The following ZBTB7C variants were observed in gnomAD, a reference collection of about 807,000 sequenced individuals.
The protein encoded by ZBTB7C is zinc finger and BTB domain containing 7C.
A neutral mutation model predicts 25.7 loss-of-function variants in ZBTB7C; 8 were observed. The observed-to-expected ratio is 0.31, with a 90% CI of 0.18 to 0.56. ZBTB7C has a LOEUF of 0.56. Among genes scored for constraint, ZBTB7C ranks in the 20% least tolerant of loss-of-function variants. ZBTB7C has a pLI of 0.91. For missense variants in ZBTB7C, 824 were observed against 855.2 expected, an observed-to-expected ratio of 0.96 and a Z score of 0.46; for synonymous variants, 394 against 369.0, an observed-to-expected ratio of 1.07 and a Z score of -0.78.
chr18:48,057,546 C>T (rs577609942), intron 3 of ZBTB7C, among the ~76,000 whole-genome samples: 1 of 152,272 alleles, frequency 6.6e-6, no homozygotes, highest in South Asian at 2.1e-4. Context: ...TAGAGCCTTC[C>T]TACTGGAGAG....
At chr18:48,381,197 CA>C (rs1274005294) in intron 1 of ZBTB7C, among the ~76,000 whole-genome samples, 1 of 151,866 alleles carries the variant, frequency 6.6e-6, no homozygotes, top group Non-Finnish European at 1.5e-5. Flanking sequence ...GAGGGATAAC[CA>C]AGAAAGAAGA....
intron 1 of ZBTB7C, among the ~76,000 whole-genome samples, chr18:48,377,354 A>G (rs138445238): frequency 6.6e-6 from 1 of 152,344 alleles, no homozygotes; most frequent in Admixed American, 6.5e-5. Flanking sequence ...CAGTGAGGGA[A>G]ATAAATGCAA....
At chr18:48,041,297 C>T (rs780363466) in intron 3 of ZBTB7C, 174 bp from the exon 4 acceptor site, 2 of 985,264 alleles carry the variant, frequency 2.0e-6, no homozygotes, top group Admixed American at 6.1e-5. Context: ...GCCTGGCTTA[C>T]AAGCTGGGGC....
chr18:48,050,056 G>A (rs984277347), intron 3 of ZBTB7C, among the ~76,000 whole-genome samples: 3 of 152,186 alleles, frequency 2.0e-5, no homozygotes, highest in Non-Finnish European at 4.4e-5. Flanking sequence ...GGGGTGAGAA[G>A]GGATGTGGAT....
chr18:48,137,357 G>A, intron 3 of ZBTB7C: 3 of 983,324 alleles, frequency 3.1e-6, no homozygotes, highest in Middle Eastern at 5.2e-4. Context: ...GGGCGGTGGA[G>A]GAGCTTTTCT....
intron 3 of ZBTB7C, among the ~76,000 whole-genome samples, chr18:48,138,560 G>A (rs377381824): frequency 3.3e-4 from 51 of 152,314 alleles, no homozygotes; most frequent in African/African-American, 9.9e-4. Context: ...GGACTGCTGC[G>A]TGAGGGGAGA....
chr18:48,309,751 C>T (rs1362509347), intron 2 of ZBTB7C, among the ~76,000 whole-genome samples: 6 of 152,202 alleles, frequency 3.9e-5, no homozygotes, highest in African/African-American at 9.7e-5. Context: ...AAATGTACTA[C>T]ATTATCTTAT....
chr18:48,377,965 A>G (rs1392454992), intron 1 of ZBTB7C, among the ~76,000 whole-genome samples: 1 of 152,194 alleles, frequency 6.6e-6, no homozygotes, highest in Non-Finnish European at 1.5e-5. Flanking sequence ...TGAGGTCAGG[A>G]GTTCAAGACC....
intron 2 of ZBTB7C, among the ~76,000 whole-genome samples, chr18:48,196,623 T>G (rs2042324004): frequency 6.6e-6 from 1 of 152,216 alleles, no homozygotes; most frequent in Non-Finnish European, 1.5e-5. Flanking sequence ...TCTCTCATTC[T>G]TCATGTTCTG....
At chr18:48,257,387 A>G (rs1431526564) in intron 2 of ZBTB7C, among the ~76,000 whole-genome samples, 1 of 152,200 alleles carries the variant, frequency 6.6e-6, no homozygotes, top group African/African-American at 2.4e-5. Flanking sequence ...TTAAAGCCAT[A>G]TATCTATTAA....
At chr18:48,101,265 A>G (rs758529320) in intron 3 of ZBTB7C, among the ~76,000 whole-genome samples, 1 of 152,172 alleles carries the variant, frequency 6.6e-6, no homozygotes, top group Non-Finnish European at 1.5e-5. Context: ...CAATCATTGT[A>G]TGCTCCTTTT....
chr18:48,179,445 G>A (rs1163110555), intron 3 of ZBTB7C, among the ~76,000 whole-genome samples: 1 of 152,188 alleles, frequency 6.6e-6, no homozygotes, highest in East Asian at 1.9e-4. Context: ...TGCTCAAGGA[G>A]GCAGAGATTC....
intron 3 of ZBTB7C, among the ~76,000 whole-genome samples, chr18:48,134,189 C>T (rs541999052): frequency 6.6e-6 from 1 of 151,432 alleles, no homozygotes; most frequent in African/African-American, 2.4e-5. Flanking sequence ...CCCAGAGCAT[C>T]ACTCAGATGG....
intron 3 of ZBTB7C, among the ~76,000 whole-genome samples, chr18:48,061,196 C>T (rs190554978): frequency 3.9e-5 from 6 of 152,232 alleles, no homozygotes; most frequent in Admixed American, 3.9e-4. Flanking sequence ...TACACAGATG[C>T]AAAGTTCAAC....
intron 2 of ZBTB7C, among the ~76,000 whole-genome samples, chr18:48,333,908 T>C (rs1366686631): frequency 1.3e-5 from 2 of 152,174 alleles, no homozygotes; most frequent in Admixed American, 6.5e-5. Flanking sequence ...AGAATTTCCA[T>C]TTATCCTGCA....
intron 4 of ZBTB7C, among the ~76,000 whole-genome samples, chr18:48,030,663 G>T (rs2035705045): frequency 6.6e-6 from 1 of 152,172 alleles, no homozygotes; most frequent in Non-Finnish European, 1.5e-5. Context: ...GGGGGTCTGG[G>T]AGCCTCTGCG....
At chr18:48,332,961 G>T (rs1179535582) in intron 2 of ZBTB7C, among the ~76,000 whole-genome samples, 1 of 151,938 alleles carries the variant, frequency 6.6e-6, no homozygotes, top group South Asian at 2.1e-4. Flanking sequence ...TTTACCAGGG[G>T]TCTCTAGTGC....
At chr18:48,259,635 A>G (rs531952105) in intron 2 of ZBTB7C, among the ~76,000 whole-genome samples, 1 of 152,336 alleles carries the variant, frequency 6.6e-6, no homozygotes, top group Admixed American at 6.5e-5. Context: ...TGCAACCCAC[A>G]TATCTGGAGT....
At chr18:48,381,632 G>A (rs144557421) in intron 1 of ZBTB7C, among the ~76,000 whole-genome samples, 119 of 152,320 alleles carry the variant, frequency 7.8e-4, no homozygotes, top group African/African-American at 2.5e-3. Context: ...GAGGATGAGG[G>A]AGGTAATGGG....
Sources: gnomAD v4.1 joint callset for allele counts (sites outside exome capture counted in the v4.1 genomes callset) on GRCh38, gnomAD v4.1.1 for gene constraint, MANE v1.5 for transcripts, NCBI Gene and HGNC (gene_info 2026-07-23, HGNC 2026-07-21) for gene names.